The following ACOT11 variants were observed in gnomAD, a reference collection of about 807,000 sequenced individuals.
ACOT11 encodes acyl-CoA thioesterase 11, also known as acyl-coenzyme A thioesterase 11.
Under a neutral mutation model 77.5 loss-of-function variants are expected in ACOT11, and 69 were observed. The ratio of observed to expected loss-of-function variants is 0.89; its 90% CI spans 0.73 to 1.09. ACOT11 has a LOEUF of 1.09. ACOT11 is among the 50% of genes least tolerant of loss of function. The pLI, the probability that ACOT11 is intolerant of heterozygous loss-of-function variation, is 0.00. For synonymous variants in ACOT11, 279 were observed against 313.0 expected, an observed-to-expected ratio of 0.89 and a Z score of 1.15; for missense variants, 766 against 813.7, an observed-to-expected ratio of 0.94 and a Z score of 0.71.
At chr1:54,579,187 A>T (rs1654214725) in intron 1 of ACOT11, among the ~76,000 whole-genome samples, 1 of 152,060 alleles carries the variant, frequency 6.6e-6, no homozygotes, top group African/African-American at 2.4e-5. Context: ...TTGAGGACGT[A>T]TGCTCCCTAT....
At chr1:54,565,395 T>C (rs1226809523) in intron 1 of ACOT11, among the ~76,000 whole-genome samples, 1 of 152,180 alleles carries the variant, frequency 6.6e-6, no homozygotes, top group Admixed American at 6.5e-5. Flanking sequence ...CCAGGCTGTG[T>C]ATCAGAAGTT....
At chr1:54,562,567 G>A (rs1296704231) in intron 1 of ACOT11, among the ~76,000 whole-genome samples, 5 of 143,078 alleles carry the variant, frequency 3.5e-5, no homozygotes, top group African/African-American at 5.2e-5. Flanking sequence ...CCTCCCTCCC[G>A]GACGGGGTGG....
chr1:54,549,684 C>T (rs530664417), intron 1 of ACOT11, among the ~76,000 whole-genome samples: 188 of 152,342 alleles, frequency 1.2e-3, no homozygotes, highest in Non-Finnish European at 2.2e-3. Context: ...CACGAGGCTG[C>T]TCTTGGTATA....
chr1:54,633,890 C>A (rs1024234225), intron 16 of ACOT11, among the ~76,000 whole-genome samples: 1 of 152,188 alleles, frequency 6.6e-6, no homozygotes, highest in Non-Finnish European at 1.5e-5. Flanking sequence ...CCATAAAGCT[C>A]AGATAAATAG....
intron 8 of ACOT11, chr1:54,599,617 A>AC: frequency 2.1e-6 from 1 of 470,182 alleles, no homozygotes; most frequent in Non-Finnish European, 3.2e-6. Flanking sequence ...AGTCCTGCCC[A>AC]CCCCTGGCTG....
chr1:54,592,773 C>T (rs1654756915), intron 4 of ACOT11, among the ~76,000 whole-genome samples, 167 bp downstream of exon 4: 1 of 152,252 alleles, frequency 6.6e-6, no homozygotes. Context: ...AAGGATCTTC[C>T]TGTCCCAAAT....
chr1:54,619,795 C>A (rs1644210743), intron 15 of ACOT11: 2 of 1,528,556 alleles, frequency 1.3e-6, no homozygotes, highest in Admixed American at 3.4e-5. Flanking sequence ...GTGTCTGATC[C>A]TCACTTCTCT....
At chr1:54,548,385 G>A in intron 1 of ACOT11, 43 bp downstream of exon 1, 1 of 1,581,512 alleles carries the variant, frequency 6.3e-7, no homozygotes, top group Non-Finnish European at 8.6e-7. Flanking sequence ...TCTGGAAGCT[G>A]GGCACCCAGA....
intron 1 of ACOT11, among the ~76,000 whole-genome samples, chr1:54,575,549 T>G (rs1654081448): frequency 6.6e-6 from 1 of 150,484 alleles, no homozygotes; most frequent in East Asian, 2.0e-4. Context: ...GGGGTGACAC[T>G]AGGGAGAATT....
chr1:54,618,028 G>A (rs1025964786), intron 15 of ACOT11, among the ~76,000 whole-genome samples: 4 of 151,416 alleles, frequency 2.6e-5, no homozygotes, highest in Non-Finnish European at 2.9e-5. Flanking sequence ...GGCCTGGCCC[G>A]AGATTCTGCA....
chr1:54,572,859 G>C, intron 1 of ACOT11: 1 of 911,440 alleles, frequency 1.1e-6, no homozygotes, highest in Non-Finnish European at 1.3e-6. Flanking sequence ...AGTGTGGCGG[G>C]CTGAGATTTC....
chr1:54,608,371 AG>A (rs1194716027), intron 15 of ACOT11, among the ~76,000 whole-genome samples: 1 of 151,626 alleles, frequency 6.6e-6, no homozygotes, highest in Non-Finnish European at 1.5e-5. Context: ...TCATCTAGGA[AG>A]GCTTTATATG....
At chr1:54,572,641 G>T (rs558663058) in intron 1 of ACOT11, among the ~76,000 whole-genome samples, 1 of 152,242 alleles carries the variant, frequency 6.6e-6, no homozygotes, top group Admixed American at 6.5e-5. Context: ...TGTTCTAATC[G>T]CTTCTGGCCA....
downstream of ACOT11, among the ~76,000 whole-genome samples, chr1:54,614,529 A>AG (rs926038000): frequency 1.3e-5 from 2 of 152,140 alleles, no homozygotes; most frequent in Non-Finnish European, 2.9e-5. Context: ...TTGTCAGAAA[A>AG]GGGGGGAAAG....
At chr1:54,636,420 T>C (rs903259734) in exon 17 of ACOT11, 4 of 152,262 alleles carry the variant, frequency 2.6e-5, no homozygotes, top group Non-Finnish European at 4.4e-5. Context: ...GCTTTAGATA[T>C]GTATACACAT....
Position 54,609,915 on chromosome 1 carries a change from T to A in ACOT11, c.*803T>A, listed in dbSNP as rs2101012453. 1 of 1,608,370 alleles carries A rather than the reference T, an allele frequency of 6.2e-7. No individual in the cohort carries two copies. The highest frequency in any genetic ancestry group is 1.3e-5 in the African/African-American group (1 of 75,054). ...TCAGCCACAGTTCCCTCGAGGCCAGTGTTCAGCAGGATCATGCCTTCTGTG... is the reference window on the plus strand; with the variant it reads ...TCAGCCACAGTTCCCTCGAGGCCAGAGTTCAGCAGGATCATGCCTTCTGTG... On this transcript the variant is annotated 3_prime_UTR_variant, in exon 16 of 16. Coordinates refer to ENST00000343744, the MANE Select transcript of ACOT11 (RefSeq NM_147161.4).
At chr1:54,563,711 C>T (rs1653634539) in intron 1 of ACOT11, among the ~76,000 whole-genome samples, 1 of 151,742 alleles carries the variant, frequency 6.6e-6, no homozygotes, top group African/African-American at 2.4e-5. Flanking sequence ...TCCCTTGAGC[C>T]CAGGAGTTCC....
At chr1:54,581,637 G>C (rs1242868344) in intron 1 of ACOT11, among the ~76,000 whole-genome samples, 1 of 152,104 alleles carries the variant, frequency 6.6e-6, no homozygotes, top group Non-Finnish European at 1.5e-5. Context: ...TGGCACAGCT[G>C]CTGTCTGAGA....
rs770468865 is a variant in ACOT11 at position 54,585,837 on chromosome 1, G to C, written c.244G>C (p.Glu82Gln). 5.0e-6 allele frequency: 8 copies of C among 1,614,098 alleles called. No homozygotes were observed. Among genetic ancestry groups the C allele is most frequent in the Non-Finnish European group, 6.8e-6 (8 of 1,179,984 alleles). Reference sequence around the variant, plus strand: ...TGGCTTTCTTCTGCTGACACCAGCGGAGAGGCACGCTGGCTGCCCCTGTGT... The same window carrying C: ...TGGCTTTCTTCTGCTGACACCAGCGCAGAGGCACGCTGGCTGCCCCTGTGT... ...WIDTTACLSA[E>Q]RHAGCPCVTA... The change falls in exon 3 of 16, where the codon GAG (glutamate) becomes CAG (glutamine). Residue 82 changes from glutamate to glutamine, a missense_variant and splice_region_variant. By Grantham distance (29) the Glu-to-Gln change is conservative. Transcript: ENST00000343744.
Sources: gnomAD v4.1 joint callset for allele counts (sites outside exome capture counted in the v4.1 genomes callset) on GRCh38, gnomAD v4.1.1 for gene constraint, MANE v1.5 for transcripts, NCBI Gene and HGNC (gene_info 2026-07-23, HGNC 2026-07-21) for gene names.